The following USP44 variants were observed in gnomAD, a reference collection of about 807,000 sequenced individuals.
The protein encoded by USP44 is ubiquitin carboxyl-terminal hydrolase 44.
Under a neutral mutation model 69.0 loss-of-function variants are expected in USP44, and 61 were observed. The ratio of observed to expected loss-of-function variants is 0.88; its 90% CI spans 0.72 to 1.09. The LOEUF (loss-of-function observed/expected upper bound fraction) is 1.09, where lower values mean the gene tolerates loss of function less well. USP44 is among the 50% of genes least tolerant of loss of function. The probability of loss-of-function intolerance (pLI) is 0.00; values close to 1 mark genes in which losing one functional copy is unlikely to be tolerated. For missense variants in USP44, 753 were observed against 849.9 expected, an observed-to-expected ratio of 0.89 and a Z score of 1.42; for synonymous variants, 297 against 295.4, an observed-to-expected ratio of 1.01 and a Z score of -0.06.
At chr12:95,522,778 CAA>C (rs36010747) in intron 4 of USP44, among the ~76,000 whole-genome samples, 24,436 of 98,862 alleles carry the variant, frequency 0.25, 2,401 homozygotes, top group African/African-American at 0.39. Flanking sequence ...AATTCTGGCT[CAA>C]AAAAAAAAAA....
chr12:95,549,914 C>A (rs2077692161), intron 1 of USP44, among the ~76,000 whole-genome samples: 1 of 152,168 alleles, frequency 6.6e-6, no homozygotes, highest in African/African-American at 2.4e-5. Context: ...CGCAGTGGCT[C>A]ACGCCTGTAA....
chr12:95,528,709 A>C, intron 3 of USP44, 98 bp downstream of exon 3: 1 of 1,314,628 alleles, frequency 7.6e-7, no homozygotes, highest in South Asian at 1.7e-5. Context: ...AAAAAAGTTC[A>C]TTTTCATAAC....
intron 1 of USP44, among the ~76,000 whole-genome samples, chr12:95,545,576 TC>T (rs1214436399): frequency 2.0e-5 from 3 of 152,200 alleles, no homozygotes; most frequent in African/African-American, 7.2e-5. Flanking sequence ...TTAGGGTAAA[TC>T]TTACCCACTC....
intron 1 of USP44, among the ~76,000 whole-genome samples, chr12:95,539,557 C>T (rs924653926): frequency 7.9e-5 from 12 of 152,132 alleles, no homozygotes; most frequent in African/African-American, 2.7e-4. Flanking sequence ...ACCAAGTATA[C>T]TATTTTCATT....
At chr12:95,524,555 A>G (rs889870876) in intron 4 of USP44, 125 bp downstream of exon 4, 1 of 663,356 alleles carries the variant, frequency 1.5e-6, no homozygotes, top group Non-Finnish European at 2.5e-6. Context: ...TATGATATTA[A>G]AAGTTAATTC....
At position 95,533,096 on chromosome 12, in the gene USP44, A is replaced by G. The variant is rs1279319702; in HGVS notation, c.1161T>C (p.Thr387=). Residue 387 remains threonine, a synonymous_variant, in exon 2 of 6, where the codon ACT becomes ACC. Coordinates refer to ENST00000258499, the MANE Select transcript of USP44 (RefSeq NM_032147.5). ...TTCCAGACCACATGACTTGGAACAA[A>G]GTATGCAATTCATGACAAAGAGAAA... ...QYISLCHELH[T]LFQVMWSGKW... The G allele has an allele frequency of 2.5e-6, 4 of 1,614,250 alleles. No homozygotes were observed. Among genetic ancestry groups the G allele is most frequent in the Non-Finnish European group, 3.4e-6 (4 of 1,180,052 alleles).
Position 95,533,184 on chromosome 12 carries a change from C to T in USP44, c.1073G>A (p.Gly358Asp), listed in dbSNP as rs562591075. Residue 358 changes from glycine (G) to aspartate (D), a missense_variant, in exon 2 of 6, where the codon GGT (glycine) becomes GAT (aspartate). By Grantham distance (94) the Gly-to-Asp change is moderately conservative (BLOSUM62 -1). Transcript: ENST00000258499. ...CATCTTTCTACCTTTTGATGCTCCA[C>T]CACTTAGTCCTGATGACAGACTTGA... is the stretch of plus-strand genomic sequence containing the variant. Reference protein sequence around the residue: ...RQSSLSSGLSGGASKGRKMEL... With the variant: ...RQSSLSSGLSDGASKGRKMEL... 5 of 1,614,168 alleles carry T rather than the reference C, an allele frequency of 3.1e-6. No homozygotes were observed. The highest frequency in any genetic ancestry group is 1.1e-5 in the South Asian group (1 of 91,076).
chr12:95,534,955 A>G (rs1295436179), intron 1 of USP44, among the ~76,000 whole-genome samples: 1 of 152,212 alleles, frequency 6.6e-6, no homozygotes, highest in East Asian at 1.9e-4. Context: ...TGCTGGGATT[A>G]CAGGCGTGAA....
intron 1 of USP44, among the ~76,000 whole-genome samples, chr12:95,544,868 C>A (rs1565842169): frequency 6.6e-6 from 1 of 152,028 alleles, no homozygotes; most frequent in East Asian, 1.9e-4. Flanking sequence ...TTTTATATGT[C>A]TTAGTGTCTT....
chr12:95,521,836 G>T (rs908152661), intron 4 of USP44, among the ~76,000 whole-genome samples: 3 of 152,104 alleles, frequency 2.0e-5, no homozygotes, highest in Non-Finnish European at 4.4e-5. Context: ...TATGAAGAGG[G>T]TTATCCCAGA....
intron 5 of USP44, among the ~76,000 whole-genome samples, chr12:95,519,589 C>A (rs1434195951): frequency 6.6e-6 from 1 of 151,160 alleles, no homozygotes; most frequent in Non-Finnish European, 1.5e-5. Flanking sequence ...TACAGGCACC[C>A]GCCACCACGC....
At chr12:95,527,620 G>T (rs1233997884) in intron 3 of USP44, among the ~76,000 whole-genome samples, 2 of 151,302 alleles carry the variant, frequency 1.3e-5, no homozygotes, top group African/African-American at 2.4e-5. Context: ...AAGTAGCTGG[G>T]ATTACAGATG....
rs778973722 is a variant in USP44 at position 95,533,961 on chromosome 12, C to T, written c.296G>A (p.Arg99Gln). ...DNTTGDLKLL[R>Q]RTLSAIKSQN... ...ACTTTTGATGGCACTTAATGTACGT[C>T]GTAGTAACTTCAGGTCTCCAGTTGT... Residue 99 changes from arginine to glutamine, a missense_variant, in exon 2 of 6, where the codon CGA (arginine) becomes CAA (glutamine). Physicochemically the swap from Arg to Gln is conservative, Grantham distance 43 (BLOSUM62 1). Transcript: ENST00000258499. 137 of 1,613,996 alleles carry T rather than the reference C, an allele frequency of 8.5e-5. No homozygotes were observed. The highest frequency in any genetic ancestry group is 1.1e-4 in the Non-Finnish European group (130 of 1,180,024).
intron 5 of USP44, among the ~76,000 whole-genome samples, chr12:95,518,586 C>A (rs904586643): frequency 6.6e-6 from 1 of 152,100 alleles, no homozygotes. Context: ...ACTATTTATT[C>A]TTTGTGTAAA....
At chr12:95,519,298 T>G (rs1218680155) in intron 5 of USP44, among the ~76,000 whole-genome samples, 1 of 152,108 alleles carries the variant, frequency 6.6e-6, no homozygotes, top group African/African-American at 2.4e-5. Context: ...GTACAAGGTG[T>G]ATATGAAGCA....
Position 95,534,238 on chromosome 12 carries a change from A to G in USP44, c.19T>C (p.Cys7Arg), listed in dbSNP as rs764547725. The change falls in exon 2 of 6, where the codon TGC becomes CGC. Residue 7 changes from cysteine (C) to arginine (R), a missense_variant. Transcript: ENST00000258499. MLAMDT[C>R]KHVGQLQLAQ... ...AGCTGCAGCTGCCCAACATGTTTGCACGTATCCATTGCTAGCATTTATTTA... is the reference window on the plus strand; with the variant it reads ...AGCTGCAGCTGCCCAACATGTTTGCGCGTATCCATTGCTAGCATTTATTTA... The G allele has an allele frequency of 1.9e-6, 3 of 1,610,906 alleles. No individual in the cohort carries two copies. Among genetic ancestry groups the G allele is most frequent in the African/African-American group, 1.3e-5 (1 of 74,996 alleles).
rs2077074002 is a variant in USP44, at chr12:95,533,065, C to T, written c.1192G>A (p.Ala398Thr). Residue 398 changes from alanine (A) to threonine (T), a missense_variant, in exon 2 of 6, where the codon GCG becomes ACG. Transcript: ENST00000258499. ...LFQVMWSGKWALVSPFAMLHS... is the reference protein window; with the variant it reads ...LFQVMWSGKWTLVSPFAMLHS... ...AGCATAGCAAATGGTGAGACCAACG[C>T]CCACTTTCCAGACCACATGACTTGG... 6.2e-7 allele frequency: 1 copy of T among 1,614,172 alleles called. No individual in the cohort carries two copies. The highest frequency in any genetic ancestry group is 8.5e-7 in the Non-Finnish European group (1 of 1,180,042).
rs199606254 is a variant in USP44, at chr12:95,519,432, A to ACTTTTTTTTTTTTTTTTTTTTTTT, written c.1940-1080_1940-1079insAAAAAAAAAAAAAAAAAAAAAAAG. On this transcript the variant is annotated intron_variant, in intron 5 of 5. Coordinates refer to ENST00000258499, the MANE Select transcript of USP44 (RefSeq NM_032147.5). ...TTCAGACAAGGTATACTCAATCTGT[A>ACTTTTTTTTTTTTTTTTTTTTTTT]TTTTTTTTTTTTTTTTTTTTTTTTT... is the stretch of plus-strand genomic sequence containing the variant. 2.4e-5 allele frequency among the ~76,000 whole-genome samples: 2 copies of ACTTTTTTTTTTTTTTTTTTTTTTT among 84,544 alleles called. 1 individual carries two copies. The highest frequency in any genetic ancestry group is 4.3e-5 in the Non-Finnish European group (2 of 46,452). 55.5% of individuals were successfully genotyped at this position (84,544 alleles called of 152,430 possible).
At chr12:95,532,794 C>T (rs969248015) in intron 2 of USP44, 35 bp downstream of exon 2, 16 of 1,519,992 alleles carry the variant, frequency 1.1e-5, no homozygotes, top group Middle Eastern at 2.1e-4. Flanking sequence ...TTATGAACTC[C>T]CAATGATGAA....
Sources: gnomAD v4.1 joint callset for allele counts (sites outside exome capture counted in the v4.1 genomes callset) on GRCh38, gnomAD v4.1.1 for gene constraint, MANE v1.5 for transcripts, NCBI Gene and HGNC (gene_info 2026-07-23, HGNC 2026-07-21) for gene names.